RCOR3: variants seen among roughly 807,000 people sequenced by gnomAD.
RCOR3 encodes REST corepressor 3.
A neutral mutation model predicts 64.1 loss-of-function variants in RCOR3; 13 were observed. That is an observed-to-expected ratio of 0.20 (90% confidence interval 0.13 to 0.32). RCOR3 has a LOEUF of 0.32. Among genes scored for constraint, RCOR3 ranks in the 10% least tolerant of loss-of-function variants. The pLI, the probability that RCOR3 is intolerant of heterozygous loss-of-function variation, is 1.00. For missense variants in RCOR3, 489 were observed against 701.2 expected (o/e 0.70, Z 3.42); for synonymous variants, 215 against 239.0 (o/e 0.90, Z 0.93).
Position 211,314,020 on chromosome 1 carries a change from G to T in RCOR3, c.*252G>T. Reference sequence around the variant, plus strand: ...GTTCAGCAATGTTGATCTCATAAAAGGAAAAACAAAAGATTTAAGTATTCT... The same window carrying T: ...GTTCAGCAATGTTGATCTCATAAAATGAAAAACAAAAGATTTAAGTATTCT... On this transcript the variant is annotated 3_prime_UTR_variant, in exon 12 of 12. Coordinates refer to ENST00000419091, the MANE Select transcript of RCOR3 (RefSeq NM_001136223.3). The T allele has an allele frequency of 2.3e-6, 1 of 439,582 alleles. No individual in the cohort carries two copies. Among genetic ancestry groups the T allele is most frequent in the Non-Finnish European group, 4.0e-6 (1 of 247,462 alleles). The allele number at this position is 439,582 out of a possible 1,614,324, so 27.2% of individuals were successfully genotyped here. A position where few individuals can be genotyped will look rare whatever the true frequency, so the allele number is the denominator to read the frequency against.
In RCOR3 at chr1:211,271,247, C is replaced by G; in HGVS notation, c.239C>G (p.Thr80Arg). Residue 80 changes from threonine (T) to arginine (R), a missense_variant, in exon 3 of 12, where the codon ACA becomes AGA. Transcript: ENST00000419091. The stretch of plus-strand genomic sequence containing the variant: ...TTTCCCCCAGGTGCTACAAAGTACA[C>G]AGATAAAGACAATGGAGGGATGCTT... ...PEFDPGATKYTDKDNGGMLVW... is the reference protein window; with the variant it reads ...PEFDPGATKYRDKDNGGMLVW... 1 of 1,612,828 alleles carries G rather than the reference C, an allele frequency of 6.2e-7. No homozygotes were observed. Among genetic ancestry groups the G allele is most frequent in the Admixed American group, 1.7e-5 (1 of 59,926 alleles).
In RCOR3 at chr1:211,259,503, C is replaced by T. The variant is rs1045875425; in HGVS notation, c.-58C>T. The T allele has an allele frequency of 8.6e-6, 13 of 1,518,320 alleles. No homozygotes were observed. The Admixed American group carries it at 2.6e-4, about 30-fold the overall frequency. 94.1% of individuals were successfully genotyped at this position (1,518,320 alleles called of 1,614,324 possible). A position where few individuals can be genotyped will look rare whatever the true frequency, so the allele number is the denominator to read the frequency against. The stretch of plus-strand genomic sequence containing the variant: ...CTCCCGCCCGCGCTCTAAGCCATCT[C>T]CGCCTTCACCCTGACGCCTGCCTCT... On this transcript the variant is annotated 5_prime_UTR_variant, in exon 1 of 12. Transcript: ENST00000419091.
intron 8 of RCOR3, among the ~76,000 whole-genome samples, chr1:211,295,257 A>G (rs191999952): frequency 6.6e-6 from 1 of 152,216 alleles, no homozygotes; most frequent in Non-Finnish European, 1.5e-5. Context: ...TTTATTACAT[A>G]TAAAGGACTG....
intron 8 of RCOR3, 116 bp downstream of exon 8, chr1:211,289,512 A>C (rs1387090006): frequency 1.3e-6 from 1 of 786,892 alleles, no homozygotes; most frequent in Admixed American, 2.8e-5. Flanking sequence ...CCACTTATGC[A>C]GGTTTCATTT....
intron 8 of RCOR3, among the ~76,000 whole-genome samples, chr1:211,292,407 T>G (rs780236123): frequency 2.1e-4 from 32 of 152,220 alleles, no homozygotes; most frequent in African/African-American, 7.7e-4. Context: ...TTAAATGCAC[T>G]AAAAACATAA....
In RCOR3 at chr1:211,259,709, G is replaced by A; in HGVS notation, c.149G>A (p.Ser50Asn). Reference protein sequence around the residue: ...LHYSEPESGCSSDDEHDVGMR... With the variant: ...LHYSEPESGCNSDDEHDVGMR... ...TACTCAGAGCCCGAGAGCGGCTGCAGCAGCGACGACGAGCACGGTGGTAGC... is the reference window on the plus strand; with the variant it reads ...TACTCAGAGCCCGAGAGCGGCTGCAACAGCGACGACGAGCACGGTGGTAGC... The change falls in exon 1 of 12, where the codon AGC (serine) becomes AAC (asparagine). Residue 50 changes from serine (S) to asparagine (N), a missense_variant. By Grantham distance (46) the Ser-to-Asn change is conservative (BLOSUM62 1). Transcript: ENST00000419091. 1 of 1,519,778 alleles carries A rather than the reference G, an allele frequency of 6.6e-7. No homozygotes were observed. 94.1% of individuals were successfully genotyped at this position (1,519,778 alleles called of 1,614,324 possible).
chr1:211,260,222 T>C (rs1694003750), intron 2 of RCOR3, 58 bp downstream of exon 2: 1 of 1,540,904 alleles, frequency 6.5e-7, no homozygotes, highest in East Asian at 2.3e-5. Flanking sequence ...TGGTTTGGGG[T>C]GGACGGGCTA....
intron 2 of RCOR3, among the ~76,000 whole-genome samples, chr1:211,262,178 C>G (rs1281477895): frequency 2.7e-5 from 4 of 150,208 alleles, no homozygotes; most frequent in Non-Finnish European, 5.9e-5. Context: ...GCTGGGACTA[C>G]AGGCACACGC....
chr1:211,272,085 G>A (rs1266497351), intron 3 of RCOR3, among the ~76,000 whole-genome samples: 3 of 152,150 alleles, frequency 2.0e-5, no homozygotes, highest in African/African-American at 7.2e-5. Flanking sequence ...GTTGAATCAT[G>A]CTTATTGATG....
chr1:211,277,991 A>G (rs1212341787), intron 5 of RCOR3, 126 bp from the exon 6 acceptor site: 1 of 801,158 alleles, frequency 1.2e-6, no homozygotes, highest in Non-Finnish European at 1.9e-6. Context: ...TTTTAGCTCT[A>G]TAATTCATAA....
intron 10 of RCOR3, among the ~76,000 whole-genome samples, chr1:211,305,372 A>T (rs1341979784): frequency 3.3e-5 from 5 of 152,248 alleles, no homozygotes; most frequent in African/African-American, 1.2e-4. Flanking sequence ...ATGTTCAAAA[A>T]TAGCTGTTTT....
chr1:211,311,071 T>G (rs1701440767), intron 10 of RCOR3, among the ~76,000 whole-genome samples: 1 of 152,132 alleles, frequency 6.6e-6, no homozygotes, highest in African/African-American at 2.4e-5. Flanking sequence ...AATGTAAAAG[T>G]AGTAGAGAAG....
chr1:211,289,471 G>A (rs1698975537), intron 8 of RCOR3, 75 bp downstream of exon 8: 2 of 1,218,414 alleles, frequency 1.6e-6, no homozygotes, highest in Non-Finnish European at 2.3e-6. Context: ...CCTAGGTTGA[G>A]CTCAGTTGTT....
chr1:211,262,649 C>T (rs1234336106), intron 2 of RCOR3, among the ~76,000 whole-genome samples: 1 of 152,072 alleles, frequency 6.6e-6, no homozygotes, highest in African/African-American at 2.4e-5. Context: ...GTTTAAGAGC[C>T]AGACTTAATG....
chr1:211,259,458 T>C lies in RCOR3; in HGVS notation c.-103T>C. 1.1e-6 allele frequency: 1 copy of C among 945,090 alleles called. No homozygotes were observed. The highest frequency in any genetic ancestry group is 1.5e-6 in the Non-Finnish European group (1 of 674,958). The allele number at this position is 945,090 out of a possible 1,614,324, so 58.5% of individuals were successfully genotyped here. A position where few individuals can be genotyped will look rare whatever the true frequency, so the allele number is the denominator to read the frequency against. ...CTCCTCCTCCGCCGCCGCCGCCGTC[T>C]CCTCCTCCTCCTCCTTTCCCTCCCG... On this transcript the variant is annotated 5_prime_UTR_variant, in exon 1 of 12. Transcript: ENST00000419091.
intron 2 of RCOR3, among the ~76,000 whole-genome samples, chr1:211,261,936 A>AAAAAAAAC (rs1276224611): frequency 2.7e-5 from 4 of 148,998 alleles, no homozygotes; most frequent in Non-Finnish European, 6.0e-5. Flanking sequence ...AAAAAAAAAA[A>AAAAAAAAC]AAAAACTGAA....
chr1:211,308,673 G>GTTTTTT (rs545513442), intron 10 of RCOR3, among the ~76,000 whole-genome samples: 52 of 40,462 alleles, frequency 1.3e-3, no homozygotes, highest in East Asian at 5.1e-3. Flanking sequence ...TTTTTTTTTT[G>GTTTTTT]TTTTTTTTTT....
intron 2 of RCOR3, among the ~76,000 whole-genome samples, chr1:211,261,576 T>A (rs1486520947): frequency 6.6e-6 from 1 of 152,208 alleles, no homozygotes; most frequent in African/African-American, 2.4e-5. Flanking sequence ...CACACCACTC[T>A]GCTCCCTTTG....
At chr1:211,271,431 AT>A (rs952883158) in intron 3 of RCOR3, 122 bp downstream of exon 3, 1 of 735,596 alleles carries the variant, frequency 1.4e-6, no homozygotes, top group Non-Finnish European at 2.3e-6. Flanking sequence ...TCTTTGTTTT[AT>A]TTTTTATTTT....
Sources: allele counts gnomAD v4.1 joint callset (sites outside exome capture counted in the v4.1 genomes callset), GRCh38; gene constraint gnomAD v4.1.1; transcripts MANE v1.5; gene names NCBI Gene and HGNC (gene_info 2026-07-23, HGNC 2026-07-21).